TMC3: variants seen among roughly 807,000 people sequenced by gnomAD.
TMC3 encodes the protein transmembrane channel-like protein 3.
TMC3 carries 98 observed loss-of-function variants against 110.6 expected under a neutral mutation model. That is an observed-to-expected ratio of 0.89 (90% CI 0.75 to 1.05). TMC3 has a LOEUF of 1.05. Ranked by LOEUF, TMC3 falls within the 50% of genes least tolerant of loss-of-function variation. The pLI is 0.00. For missense variants in TMC3, 1,319 were observed against 1,373.2 expected (o/e 0.96, Z 0.62); for synonymous variants, 489 against 513.1 (o/e 0.95, Z 0.63).
intron 9 of TMC3, among the ~76,000 whole-genome samples, chr15:81,354,954 A>G (rs1392303525): frequency 6.6e-6 from 1 of 152,120 alleles, no homozygotes; most frequent in Admixed American, 6.5e-5. Flanking sequence ...GAGGAACTTC[A>G]GGTTCATGAA....
intron 2 of TMC3, among the ~76,000 whole-genome samples, 182 bp downstream of exon 2, chr15:81,372,385 CACACACACACACACACACACACAG>C (rs1345244900): frequency 9.3e-5 from 14 of 150,322 alleles, no homozygotes; most frequent in African/African-American, 3.4e-4. Flanking sequence ...CACACACACA[CACACACACACACACACACACACAG>C]AGGAACTGGC....
At chr15:81,341,300 C>A in intron 16 of TMC3, 90 bp downstream of exon 16, 1 of 1,373,978 alleles carries the variant, frequency 7.3e-7, no homozygotes, top group Admixed American at 2.4e-5. Context: ...TTGGGGGGAC[C>A]CTTTGCTAGA....
intron 7 of TMC3, among the ~76,000 whole-genome samples, chr15:81,357,425 C>A (rs1894089228): frequency 6.6e-6 from 1 of 151,816 alleles, no homozygotes; most frequent in South Asian, 2.1e-4. Flanking sequence ...GTGGGTGGGG[C>A]CAGCTTTTCC....
chr15:81,361,211 A>T (rs921333859), intron 4 of TMC3, among the ~76,000 whole-genome samples: 1 of 152,168 alleles, frequency 6.6e-6, no homozygotes, highest in African/African-American at 2.4e-5. Context: ...TAAAAATAAC[A>T]GTACTTTTTC....
chr15:81,352,802 TTTTG>T (rs1414314896), intron 9 of TMC3, among the ~76,000 whole-genome samples: 9 of 152,264 alleles, frequency 5.9e-5, no homozygotes, highest in African/African-American at 1.4e-4. Context: ...TGTGTTAGTC[TTTTG>T]TTTGTTTGTT....
chr15:81,337,669 T>C, intron 19 of TMC3, 177 bp downstream of exon 19: 1 of 649,114 alleles, frequency 1.5e-6, no homozygotes, highest in Non-Finnish European at 2.8e-6. Context: ...GAGCCATCCC[T>C]GGGTATTCTT....
intron 3 of TMC3, 28 bp downstream of exon 3, chr15:81,368,225 G>C (rs759090279): frequency 6.3e-7 from 1 of 1,585,404 alleles, no homozygotes; most frequent in South Asian, 1.1e-5. Context: ...GAGCCACCGC[G>C]CCCAGCCACA....
Position 81,332,597 on chromosome 15 carries a change from T to G in TMC3, c.3125A>C (p.Asp1042Ala). ...PRFEPSLTES[D>A]SVSAASSSDQ... is the part of the protein sequence containing the mutation. The stretch of plus-strand genomic sequence containing the variant: ...ACTGCTGGATGCTGCCGACACGGAG[T>G]CAGATTCCGTGAGGGATGGCTCGAA... Residue 1042 changes from aspartate (D) to alanine (A), a missense_variant, in exon 22 of 22, where the codon GAC becomes GCC. Asp to Ala is a moderately radical substitution (Grantham distance 126). Transcript: ENST00000359440. 1 of 1,613,490 alleles carries G rather than the reference T, an allele frequency of 6.2e-7. No homozygotes were observed.
At chr15:81,367,879 T>C (rs528549061) in intron 3 of TMC3, among the ~76,000 whole-genome samples, 172 of 152,286 alleles carry the variant, frequency 1.1e-3, no homozygotes, top group Admixed American at 2.9e-3. Context: ...AAACACAACC[T>C]CCTGGCTCTG....
rs373568616 is a variant in TMC3 at position 81,344,023 on chromosome 15, A to G, written c.1541T>C (p.Ile514Thr). Residue 514 changes from isoleucine (I) to threonine (T), a missense_variant, in exon 14 of 22, where the codon ATT (isoleucine) becomes ACT (threonine). Transcript: ENST00000359440. ...VGQEMLKLSI[I>T]DMLFTVASIL... ...GCTCGCCACGGTGAAGAGCATGTCA[A>G]TGATGGAGAGCTTCAGCATCTCCTG... 8.1e-6 allele frequency: 13 copies of G among 1,611,318 alleles called. No individual in the cohort carries two copies. Among genetic ancestry groups the G allele is most frequent in the South Asian group, 2.2e-5 (2 of 91,034 alleles).
chr15:81,346,782 T>C (rs772190985), intron 11 of TMC3, among the ~76,000 whole-genome samples: 10 of 152,210 alleles, frequency 6.6e-5, no homozygotes, highest in Non-Finnish European at 8.8e-5. Flanking sequence ...TGCTTTCTGG[T>C]TTATGAATTG....
intron 9 of TMC3, among the ~76,000 whole-genome samples, chr15:81,355,458 T>C (rs1190477664): frequency 6.6e-6 from 1 of 152,246 alleles, no homozygotes; most frequent in African/African-American, 2.4e-5. Flanking sequence ...ATACCTCTTT[T>C]ATTATCTAAG....
At position 81,349,542 on chromosome 15, in the gene TMC3, G is replaced by T; in HGVS notation, c.1109C>A (p.Thr370Asn). 3 of 1,551,302 alleles carry T rather than the reference G, an allele frequency of 1.9e-6. No homozygotes were observed. In the South Asian group the frequency reaches 3.7e-5, roughly 19 times the overall value. Residue 370 changes from threonine (T) to asparagine (N), a missense_variant, in exon 11 of 22, where the codon ACC becomes AAC. Coordinates refer to ENST00000359440, the MANE Select transcript of TMC3 (RefSeq NM_001080532.3). ...NEVSVVVSLV[T>N]MIAPSAFDLI... is the part of the protein sequence containing the mutation. ...GTCAAAGGCTGATGGTGCTATCATG[G>T]TGACGAGGGAGACCACCACACTGAC...
intron 13 of TMC3, 103 bp from the exon 14 acceptor site, chr15:81,344,148 C>T: frequency 8.1e-7 from 1 of 1,236,794 alleles, no homozygotes; most frequent in Non-Finnish European, 1.1e-6. Context: ...TGGGCCCCAG[C>T]CAGTGGGCCC....
At chr15:81,364,797 C>T (rs1894273724) in intron 3 of TMC3, among the ~76,000 whole-genome samples, 2 of 151,182 alleles carry the variant, frequency 1.3e-5, no homozygotes, top group Admixed American at 1.3e-4. Context: ...AAATGAAGTT[C>T]ACAGTCACTT....
chr15:81,343,091 T>A (rs1469173905), intron 15 of TMC3, 187 bp downstream of exon 15: 2 of 499,598 alleles, frequency 4.0e-6, no homozygotes, highest in East Asian at 6.0e-5. Context: ...TCTTTTTAAT[T>A]TCTTCCTGCA....
chr15:81,334,569 C>T lies in TMC3; in HGVS notation c.2459+151G>A, dbSNP rs1265479662. The T allele has an allele frequency of 2.8e-6, 3 of 1,068,706 alleles. No homozygotes were observed. In the African/African-American group the frequency reaches 4.8e-5, roughly 17 times the overall value. The allele number at this position is 1,068,706 out of a possible 1,614,324, so 66.2% of individuals were successfully genotyped here. The stretch of plus-strand genomic sequence containing the variant: ...GATAAACTTTGACACCCCCACCCCG[C>T]CTCCATTTCTTTTTAGTACCAGCTG... On this transcript the variant is annotated intron_variant, in intron 21 of 21. Coordinates refer to ENST00000359440, the MANE Select transcript of TMC3 (RefSeq NM_001080532.3).
Position 81,334,883 on chromosome 15 carries a change from G to T in TMC3, c.2296C>A (p.Gln766Lys), listed in dbSNP as rs1893557237. The change falls in exon 21 of 22, where the codon CAA (glutamine) becomes AAA (lysine). Residue 766 changes from glutamine (Q) to lysine (K), a missense_variant. Gln to Lys is a moderately conservative substitution (Grantham distance 53, BLOSUM62 1). Transcript: ENST00000359440. Reference sequence around the variant, plus strand: ...AAATGGGCCACGTTGCCGTTGTTTTGGGGTGTGCCCGAGTGCGCTGAGGAC... The same window carrying T: ...AAATGGGCCACGTTGCCGTTGTTTTTGGGTGTGCCCGAGTGCGCTGAGGAC... ...QLSSAHSGTP[Q>K]NNGNVAHFDS... 1 of 1,613,924 alleles carries T rather than the reference G, an allele frequency of 6.2e-7. No individual in the cohort carries two copies.
At chr15:81,364,689 A>AACC (rs1555429377) in intron 3 of TMC3, among the ~76,000 whole-genome samples, 11 of 141,374 alleles carry the variant, frequency 7.8e-5, no homozygotes, top group African/African-American at 2.9e-4. Flanking sequence ...TAATAAAAAA[A>AACC]AACATTATTC....
Sources: gnomAD v4.1 joint callset for allele counts (sites outside exome capture counted in the v4.1 genomes callset) on GRCh38, gnomAD v4.1.1 for gene constraint, MANE v1.5 for transcripts, NCBI Gene and HGNC (gene_info 2026-07-23, HGNC 2026-07-21) for gene names.